The following ITFG1 variants were observed in gnomAD, a reference collection of about 807,000 sequenced individuals.
ITFG1 encodes the protein T-cell immunomodulatory protein.
Under a neutral mutation model 81.8 loss-of-function variants are expected in ITFG1, and 34 were observed. That is an observed-to-expected ratio of 0.42 (90% CI 0.32 to 0.55). The LOEUF (loss-of-function observed/expected upper bound fraction) is 0.55, where lower values mean the gene tolerates loss of function less well. Ranked by LOEUF, ITFG1 falls within the 20% of genes least tolerant of loss-of-function variation. ITFG1 has a pLI of 0.17. For synonymous variants in ITFG1, 285 were observed against 270.6 expected (o/e 1.05, Z -0.52); for missense variants, 672 against 755.4 (o/e 0.89, Z 1.29).
chr16:47,423,976 C>T (rs764430128), intron 6 of ITFG1, among the ~76,000 whole-genome samples: 8 of 152,136 alleles, frequency 5.3e-5, no homozygotes, highest in Non-Finnish European at 1.2e-4. Context: ...TGTTGGCCTG[C>T]CTTGCTAGGT....
intron 14 of ITFG1, among the ~76,000 whole-genome samples, chr16:47,211,163 G>A (rs997403797): frequency 9.9e-5 from 15 of 152,084 alleles, no homozygotes; most frequent in African/African-American, 3.1e-4. Context: ...TGAACCTTGC[G>A]TATCTCTTCA....
At chr16:47,326,092 C>T (rs571810975) in intron 8 of ITFG1, among the ~76,000 whole-genome samples, 8 of 152,060 alleles carry the variant, frequency 5.3e-5, no homozygotes, top group South Asian at 2.1e-4. Context: ...ACTGGCAAAC[C>T]GAATCCAGCA....
chr16:47,206,312 G>C (rs901860604), intron 14 of ITFG1, among the ~76,000 whole-genome samples: 3 of 152,168 alleles, frequency 2.0e-5, no homozygotes, highest in Admixed American at 2.0e-4. Flanking sequence ...TTCTCAGTAA[G>C]AGACAGCTAC....
chr16:47,396,446 T>C (rs148110090), intron 6 of ITFG1, among the ~76,000 whole-genome samples: 1 of 152,072 alleles, frequency 6.6e-6, no homozygotes, highest in East Asian at 1.9e-4. Flanking sequence ...TCAGGAACTA[T>C]GAGAAAGAAC....
intron 8 of ITFG1, among the ~76,000 whole-genome samples, chr16:47,359,186 T>C (rs886156289): frequency 2.0e-5 from 3 of 152,216 alleles, no homozygotes; most frequent in African/African-American, 7.2e-5. Context: ...GCTTTGGACA[T>C]GCGCTCCTTC....
intron 5 of ITFG1, among the ~76,000 whole-genome samples, chr16:47,444,557 T>G (rs1220159835): frequency 6.6e-6 from 1 of 152,138 alleles, no homozygotes; most frequent in Non-Finnish European, 1.5e-5. Flanking sequence ...AATTTATATA[T>G]TAGGTGATAG....
chr16:47,187,156 G>C (rs998436566), intron 14 of ITFG1, among the ~76,000 whole-genome samples: 2 of 152,172 alleles, frequency 1.3e-5, no homozygotes, highest in African/African-American at 2.4e-5. Flanking sequence ...TGGGTAGGAA[G>C]AATAAATATT....
intron 10 of ITFG1, among the ~76,000 whole-genome samples, chr16:47,301,832 G>A (rs1290102124): frequency 6.6e-6 from 1 of 152,100 alleles, no homozygotes; most frequent in African/African-American, 2.4e-5. Context: ...CTATTCAAAA[G>A]TCCTACTTAA....
intron 8 of ITFG1, among the ~76,000 whole-genome samples, chr16:47,333,641 G>T (rs1967664825): frequency 6.6e-6 from 1 of 152,170 alleles, no homozygotes. Context: ...CATGAAGTTG[G>T]TAAGCAGTAG....
In ITFG1 at chr16:47,348,630, C is replaced by T. The variant is rs1368502181; in HGVS notation, c.802+17158G>A. ...GGGAGAATGGAACCAGGTTGGAAAACACTCTACAGGATATTATCCAGGAGA... is the reference window on the plus strand; with the variant it reads ...GGGAGAATGGAACCAGGTTGGAAAATACTCTACAGGATATTATCCAGGAGA... On this transcript the variant is annotated intron_variant, in intron 8 of 17. Coordinates refer to ENST00000320640, the MANE Select transcript of ITFG1 (RefSeq NM_030790.5). Among the ~76,000 whole-genome samples the T allele has an allele frequency of 2.6e-5, 4 of 152,194 alleles. No individual in the cohort carries two copies. In the East Asian group the frequency reaches 7.7e-4, roughly 29 times the overall value.
intron 6 of ITFG1, among the ~76,000 whole-genome samples, chr16:47,408,674 T>C (rs549075718): frequency 1.4e-4 from 22 of 152,358 alleles, no homozygotes; most frequent in African/African-American, 5.1e-4. Context: ...ACAGTTCTAA[T>C]TTATGTGACT....
intron 7 of ITFG1, among the ~76,000 whole-genome samples, chr16:47,367,207 C>T (rs1239914857): frequency 6.6e-6 from 1 of 152,180 alleles, no homozygotes; most frequent in Non-Finnish European, 1.5e-5. Context: ...AGCTTCCATG[C>T]CCTCTCTGGG....
chr16:47,430,540 T>A (rs1036825286), intron 5 of ITFG1, among the ~76,000 whole-genome samples: 2 of 152,200 alleles, frequency 1.3e-5, no homozygotes, highest in Non-Finnish European at 1.5e-5. Context: ...CAGTCATATT[T>A]ATTATCTTTA....
intron 6 of ITFG1, among the ~76,000 whole-genome samples, chr16:47,407,142 T>G (rs897912738): frequency 6.6e-6 from 1 of 152,126 alleles, no homozygotes; most frequent in Non-Finnish European, 1.5e-5. Flanking sequence ...TCATTTACAT[T>G]TATAACGGAT....
chr16:47,374,395 C>T (rs559807383), intron 7 of ITFG1, among the ~76,000 whole-genome samples: 1 of 152,150 alleles, frequency 6.6e-6, no homozygotes, highest in African/African-American at 2.4e-5. Context: ...GAATCTTCTC[C>T]TATTGAGTTG....
At chr16:47,344,164 T>C (rs893345093) in intron 8 of ITFG1, among the ~76,000 whole-genome samples, 1 of 152,154 alleles carries the variant, frequency 6.6e-6, no homozygotes, top group South Asian at 2.1e-4. Flanking sequence ...CTTAGAGGCA[T>C]AGAAAAAGTT....
At chr16:47,435,099 T>C (rs1446116230) in intron 5 of ITFG1, among the ~76,000 whole-genome samples, 1 of 152,086 alleles carries the variant, frequency 6.6e-6, no homozygotes, top group African/African-American at 2.4e-5. Context: ...ACCTAGGTGA[T>C]GAGATGATCC....
At chr16:47,188,608 T>C (rs2151516634) in intron 14 of ITFG1, among the ~76,000 whole-genome samples, 1 of 97,952 alleles carries the variant, frequency 1.0e-5, no homozygotes, top group African/African-American at 4.1e-5. Context: ...CTCTGGGGAC[T>C]GTTGTGGGGT....
intron 14 of ITFG1, among the ~76,000 whole-genome samples, chr16:47,199,224 G>A (rs901022200): frequency 2.0e-5 from 3 of 151,938 alleles, no homozygotes; most frequent in Non-Finnish European, 4.4e-5. Flanking sequence ...CCGAGATCAC[G>A]CCACTGCACT....
Sources: gnomAD v4.1 joint callset for allele counts (sites outside exome capture counted in the v4.1 genomes callset) on GRCh38, gnomAD v4.1.1 for gene constraint, MANE v1.5 for transcripts, NCBI Gene and HGNC (gene_info 2026-07-23, HGNC 2026-07-21) for gene names.